COG3: variants seen among roughly 807,000 people sequenced by gnomAD.
COG3 encodes the protein conserved oligomeric Golgi complex subunit 3.
A neutral mutation model predicts 114.1 loss-of-function variants in COG3; 32 were observed. The ratio of observed to expected loss-of-function variants is 0.28; its 90% confidence interval spans 0.21 to 0.38. The LOEUF is 0.38. COG3 is among the 10% of genes least tolerant of loss of function. The probability of loss-of-function intolerance (pLI) is 1.00; values close to 1 mark genes in which losing one functional copy is unlikely to be tolerated. For synonymous variants in COG3, 352 were observed against 365.7 expected (o/e 0.96, Z 0.43); for missense variants, 813 against 973.2 (o/e 0.84, Z 2.19).
intron 12 of COG3, among the ~76,000 whole-genome samples, chr13:45,494,317 C>T (rs1739432504): frequency 6.9e-6 from 1 of 144,468 alleles, no homozygotes; most frequent in African/African-American, 2.6e-5. Flanking sequence ...AACAGCAAGA[C>T]TCTGTCTTAA....
intron 17 of COG3, among the ~76,000 whole-genome samples, chr13:45,517,476 T>C (rs1043929275): frequency 6.6e-6 from 1 of 152,248 alleles, no homozygotes; most frequent in African/African-American, 2.4e-5. Context: ...ATGTGTGTTA[T>C]GTACTTTGTG....
At position 45,513,543 on chromosome 13, in the gene COG3, C is replaced by T. The variant is rs188085013; in HGVS notation, c.1809+1689C>T. 3.4e-3 allele frequency among the ~76,000 whole-genome samples: 458 copies of T among 136,188 alleles called. 3 individuals carry two copies. The highest frequency in any genetic ancestry group is 7.9e-3 in the Middle Eastern group (2 of 254). The allele number at this position is 136,188 out of a possible 152,430, so 89.3% of individuals were successfully genotyped here. A position where few individuals can be genotyped will look rare whatever the true frequency, so the allele number is the denominator to read the frequency against. ...ATATAAATTATATATATAATATATA[C>T]ATATAAATTATATATATAAAAGTGA... On this transcript the variant is annotated intron_variant, in intron 16 of 22. Coordinates refer to ENST00000349995, the MANE Select transcript of COG3 (RefSeq NM_031431.4).
chr13:45,465,240 G>A, intron 1 of COG3, 30 bp downstream of exon 1: 1 of 1,609,660 alleles, frequency 6.2e-7, no homozygotes, highest in Non-Finnish European at 8.5e-7. Context: ...CCGGGCCGGG[G>A]CGATGGGGCT....
intron 14 of COG3, among the ~76,000 whole-genome samples, chr13:45,504,271 G>A (rs1238041627): frequency 1.3e-5 from 2 of 152,194 alleles, no homozygotes; most frequent in Non-Finnish European, 1.5e-5. Flanking sequence ...GCTGGATATT[G>A]CCCATCTGAC....
intron 5 of COG3, 128 bp from the exon 6 acceptor site, chr13:45,482,253 G>A: frequency 1.9e-6 from 1 of 514,956 alleles, no homozygotes; most frequent in Non-Finnish European, 3.4e-6. Context: ...ATATTTTGGT[G>A]ACTTTTAAAA....
intron 1 of COG3, among the ~76,000 whole-genome samples, chr13:45,469,193 T>C (rs1885325062): frequency 1.3e-5 from 2 of 152,238 alleles, no homozygotes; most frequent in African/African-American, 2.4e-5. Context: ...AGTAATCAAA[T>C]AGAATACTCT....
At chr13:45,465,234 GC>G in intron 1 of COG3, 24 bp downstream of exon 1, 1 of 1,610,532 alleles carries the variant, frequency 6.2e-7, no homozygotes, top group Non-Finnish European at 8.5e-7. Flanking sequence ...CAGGAACCGG[GC>G]CGGGGCGATG....
intron 13 of COG3, among the ~76,000 whole-genome samples, chr13:45,500,428 A>G (rs988771923): frequency 6.6e-6 from 1 of 152,170 alleles, no homozygotes; most frequent in Non-Finnish European, 1.5e-5. Flanking sequence ...ATCTTTTGTC[A>G]CAAAGTGCCA....
chr13:45,516,392 G>A, intron 17 of COG3, 129 bp downstream of exon 17: 1 of 743,484 alleles, frequency 1.3e-6, no homozygotes, highest in South Asian at 4.5e-5. Flanking sequence ...TATGTTATTT[G>A]TTCGTACTAA....
chr13:45,526,259 T>G (rs990525943), intron 20 of COG3, among the ~76,000 whole-genome samples: 1 of 151,744 alleles, frequency 6.6e-6, no homozygotes, highest in Non-Finnish European at 1.5e-5. Flanking sequence ...CTAATTGTTG[T>G]ATTTTTAGTA....
At chr13:45,523,867 A>T (rs767843938) in intron 19 of COG3, among the ~76,000 whole-genome samples, 1 of 152,238 alleles carries the variant, frequency 6.6e-6, no homozygotes, top group Non-Finnish European at 1.5e-5. Context: ...TTTGGATAAC[A>T]TACACTAAAA....
intron 20 of COG3, among the ~76,000 whole-genome samples, chr13:45,525,757 T>C (rs1212458194): frequency 2.0e-5 from 3 of 147,740 alleles, no homozygotes; most frequent in African/African-American, 7.6e-5. Flanking sequence ...AATCATTTTG[T>C]TAAATTGATA....
At chr13:45,491,712 T>G (rs1032253047) in intron 10 of COG3, among the ~76,000 whole-genome samples, 174 bp downstream of exon 10, 8 of 152,202 alleles carry the variant, frequency 5.3e-5, no homozygotes, top group Admixed American at 6.5e-5. Context: ...TTGCAAAATA[T>G]TCTCATTTTT....
intron 20 of COG3, among the ~76,000 whole-genome samples, chr13:45,528,731 A>G (rs773599111): frequency 6.6e-6 from 1 of 152,162 alleles, no homozygotes; most frequent in Non-Finnish European, 1.5e-5. Flanking sequence ...AGCATATCCA[A>G]CTTGATCCAT....
rs1405547809 is a variant in COG3, at chr13:45,473,939, CTCAGGGATTGTG to C, written c.175-2260_175-2249del. On this transcript the variant is annotated intron_variant, in intron 1 of 22. Coordinates refer to ENST00000349995, the MANE Select transcript of COG3 (RefSeq NM_031431.4). ...CTTGCTGGGCCACAGTCCTTTTATA[CTCAGGGATTGTG>C]TTACCATTCAGAAAGAGTTTACATG... Among the ~76,000 whole-genome samples the C allele has an allele frequency of 7.9e-5, 12 of 152,278 alleles. No individual in the cohort carries two copies. In the South Asian group the frequency reaches 2.5e-3, roughly 32 times the overall value.
Position 45,488,370 on chromosome 13 carries a change from G to T in COG3, c.924+1795G>T, listed in dbSNP as rs115160916. Among the ~76,000 whole-genome samples, 511 of 148,348 alleles carry T rather than the reference G, an allele frequency of 3.4e-3. 4 individuals are homozygous for T. The highest frequency in any genetic ancestry group is 0.012 in the African/African-American group (498 of 40,556). On this transcript the variant is annotated intron_variant, in intron 8 of 22. Transcript: ENST00000349995. ...ATATTTCAAAATAGCTAAGAGGGAA[G>T]ATTTGAAATTTTCCCAGCACAAAGA...
intron 20 of COG3, 67 bp downstream of exon 20, chr13:45,525,118 T>TA: frequency 2.3e-6 from 3 of 1,286,058 alleles, no homozygotes; most frequent in Non-Finnish European, 3.3e-6. Context: ...ATATAGTCCT[T>TA]ACTGTGACAG....
rs1384826027 is a variant in COG3, at chr13:45,465,165, A to G, written c.129A>G (p.Val43=). ...APLTDRQTDS[V]LELKAAAENL... is the part of the protein sequence containing the mutation. ...TGACCGACAGGCAGACGGACTCGGT[A>G]TTGGAGCTGAAGGCGGCGGCAGAGA... The change falls in exon 1 of 23, where the codon GTA becomes GTG. Residue 43 remains valine (V), a synonymous_variant. Coordinates refer to ENST00000349995, the MANE Select transcript of COG3 (RefSeq NM_031431.4). 3 of 1,613,504 alleles carry G rather than the reference A, an allele frequency of 1.9e-6. No homozygotes were observed. The highest frequency in any genetic ancestry group is 2.5e-6 in the Non-Finnish European group (3 of 1,179,892).
chr13:45,505,948 T>A (rs1870098773), intron 14 of COG3, among the ~76,000 whole-genome samples: 1 of 152,006 alleles, frequency 6.6e-6, no homozygotes, highest in Non-Finnish European at 1.5e-5. Flanking sequence ...CAGGATGGAG[T>A]GCAGTGGCAT....
Sources: gnomAD v4.1 joint callset for allele counts (sites outside exome capture counted in the v4.1 genomes callset) on GRCh38, gnomAD v4.1.1 for gene constraint, MANE v1.5 for transcripts, NCBI Gene and HGNC (gene_info 2026-07-23, HGNC 2026-07-21) for gene names.